The following CAMTA1 variants were observed in gnomAD, a reference collection of about 807,000 sequenced individuals.
The protein encoded by CAMTA1 is calmodulin-binding transcription activator 1.
Under a neutral mutation model 170.9 loss-of-function variants are expected in CAMTA1, and 27 were observed. The ratio of observed to expected loss-of-function variants is 0.16; its 90% confidence interval spans 0.12 to 0.22. The LOEUF is 0.22. CAMTA1 is among the 10% of genes least tolerant of loss of function. The pLI, the probability that CAMTA1 is intolerant of heterozygous loss-of-function variation, is 1.00. For synonymous variants in CAMTA1, 833 were observed against 891.5 expected, an observed-to-expected ratio of 0.93 and a Z score of 1.17; for missense variants, 1,619 against 2,217.2, an observed-to-expected ratio of 0.73 and a Z score of 5.42.
chr1:7,032,779 A>G (rs1024949834), intron 3 of CAMTA1, among the ~76,000 whole-genome samples: 1 of 152,122 alleles, frequency 6.6e-6, no homozygotes, highest in African/African-American at 2.4e-5. Context: ...TCTATAAAAA[A>G]GTATTTCACT....
Position 7,664,286 on chromosome 1 carries a change from C to A in CAMTA1, c.1739C>A (p.Thr580Asn). The A allele has an allele frequency of 1.2e-6, 2 of 1,613,006 alleles. No individual in the cohort carries two copies. Among genetic ancestry groups the A allele is most frequent in the Non-Finnish European group, 1.7e-6 (2 of 1,179,972 alleles). ...PSGGGLSPST[T>N]LEQMDFSAID... ...GGCGGCGGCCTGAGTCCCAGCACCACCCTGGAGCAGATGGACTTCAGCGCC... is the reference window on the plus strand; with the variant it reads ...GGCGGCGGCCTGAGTCCCAGCACCAACCTGGAGCAGATGGACTTCAGCGCC... Residue 580 changes from threonine to asparagine, a missense_variant, in exon 9 of 23, where the codon ACC (threonine) becomes AAC (asparagine). Physicochemically the swap from Thr to Asn is moderately conservative, Grantham distance 65. Coordinates refer to ENST00000303635, the MANE Select transcript of CAMTA1 (RefSeq NM_015215.4).
intron 5 of CAMTA1, among the ~76,000 whole-genome samples, chr1:7,335,181 C>T (rs1183192397): frequency 1.7e-5 from 1 of 58,438 alleles, no homozygotes; most frequent in African/African-American, 9.0e-5. Flanking sequence ...TGTCAGACCC[C>T]GAGGCTACCC....
At chr1:6,798,152 C>T (rs942982551) in intron 1 of CAMTA1, among the ~76,000 whole-genome samples, 5 of 151,850 alleles carry the variant, frequency 3.3e-5, no homozygotes, top group Non-Finnish European at 5.9e-5. Context: ...CTGAACACCA[C>T]GCTGGGCTAA....
At chr1:6,910,563 T>C (rs899314153) in intron 3 of CAMTA1, among the ~76,000 whole-genome samples, 1 of 152,216 alleles carries the variant, frequency 6.6e-6, no homozygotes, top group Non-Finnish European at 1.5e-5. Flanking sequence ...AATGCTAATG[T>C]AACTTGACTT....
At position 6,934,601 on chromosome 1, in the gene CAMTA1, C is replaced by T. The variant is rs1684986861; in HGVS notation, c.234+109391C>T. 6.6e-6 allele frequency among the ~76,000 whole-genome samples: 1 copy of T among 152,192 alleles called. No homozygotes were observed. Among genetic ancestry groups the T allele is most frequent in the South Asian group, 2.1e-4 (1 of 4,828 alleles). On this transcript the variant is annotated intron_variant, in intron 3 of 22. Coordinates refer to ENST00000303635, the MANE Select transcript of CAMTA1 (RefSeq NM_015215.4). This position sits in a 1 kb window ranked among gnomAD's most constrained non-coding sequence, Gnocchi z 4.5. ...TGGCTGTGACAGGTACTGTGGAATC[C>T]TTGCCTTCCAGGGGAGACCTGTGGC...
At chr1:7,512,909 G>A (rs2094221804) in intron 6 of CAMTA1, among the ~76,000 whole-genome samples, 1 of 152,152 alleles carries the variant, frequency 6.6e-6, no homozygotes, top group Admixed American at 6.5e-5. Flanking sequence ...TTGTGGAAGT[G>A]AGCAGAGGCT....
chr1:6,825,887 C>G (rs952786159), intron 3 of CAMTA1, among the ~76,000 whole-genome samples: 1 of 152,078 alleles, frequency 6.6e-6, no homozygotes, highest in African/African-American at 2.4e-5. Flanking sequence ...CTGAATATTT[C>G]AATTTAAGGT....
intron 6 of CAMTA1, among the ~76,000 whole-genome samples, chr1:7,507,165 A>C (rs1422039675): frequency 6.7e-6 from 1 of 150,144 alleles, no homozygotes; most frequent in Non-Finnish European, 1.5e-5. Context: ...CTCACACAAC[A>C]CACACGCTCA....
intron 4 of CAMTA1, among the ~76,000 whole-genome samples, chr1:7,203,865 T>C (rs1419605201): frequency 6.6e-6 from 1 of 150,790 alleles, no homozygotes; most frequent in African/African-American, 2.4e-5. Flanking sequence ...GGAGTCTCAC[T>C]CTGTCGCCCA....
intron 1 of CAMTA1, among the ~76,000 whole-genome samples, chr1:6,790,898 T>C (rs1640905784): frequency 6.6e-6 from 1 of 152,206 alleles, no homozygotes; most frequent in Admixed American, 6.5e-5. Flanking sequence ...TAAATTAGAT[T>C]TACCATCTCC....
At chr1:7,741,522 A>C in intron 16 of CAMTA1, among the ~76,000 whole-genome samples, 1 of 151,580 alleles carries the variant, frequency 6.6e-6, no homozygotes, top group Non-Finnish European at 1.5e-5. Flanking sequence ...ACATCGCACC[A>C]CTGCACTCCA....
chr1:7,455,970 A>G lies in CAMTA1; in HGVS notation c.439-11860A>G, dbSNP rs1293061458. 6.6e-6 allele frequency among the ~76,000 whole-genome samples: 1 copy of G among 152,182 alleles called. No homozygotes were observed. Among genetic ancestry groups the G allele is most frequent in the Non-Finnish European group, 1.5e-5 (1 of 68,036 alleles). On this transcript the variant is annotated intron_variant, in intron 5 of 22. Coordinates refer to ENST00000303635, the MANE Select transcript of CAMTA1 (RefSeq NM_015215.4). The surrounding 1 kb of genome is among the most constrained non-coding windows in gnomAD (Gnocchi z 5.0). ...GGGTACAGCCTGAGCCTCCTTACCA[A>G]GGCTCAGGGTCCCACCGTTGGTCAT... is the stretch of plus-strand genomic sequence containing the variant.
At chr1:6,955,224 G>C (rs1253288153) in intron 3 of CAMTA1, among the ~76,000 whole-genome samples, 2 of 152,110 alleles carry the variant, frequency 1.3e-5, no homozygotes, top group East Asian at 3.9e-4. Flanking sequence ...GACCTCCCCT[G>C]GGGGTAGACG....
chr1:7,361,797 G>GT (rs534986119), intron 5 of CAMTA1, among the ~76,000 whole-genome samples: 162 of 152,318 alleles, frequency 1.1e-3, no homozygotes, highest in Non-Finnish European at 2.0e-3. Context: ...TGTTTAGCAA[G>GT]TAACGTAAAC....
chr1:7,322,526 A>G (rs1278782049), intron 5 of CAMTA1, among the ~76,000 whole-genome samples: 1 of 152,244 alleles, frequency 6.6e-6, no homozygotes, highest in African/African-American at 2.4e-5. Context: ...CAACTGTGGC[A>G]ATAGCCATCC....
At chr1:7,096,153 G>A (rs990201200) in intron 4 of CAMTA1, among the ~76,000 whole-genome samples, 2 of 152,134 alleles carry the variant, frequency 1.3e-5, no homozygotes, top group Non-Finnish European at 2.9e-5. Context: ...CAATAAAACA[G>A]CCCAGTAGAA....
At position 6,897,086 on chromosome 1, in the gene CAMTA1, T is replaced by G. The variant is rs1460258110; in HGVS notation, c.234+71876T>G. Among the ~76,000 whole-genome samples the G allele has an allele frequency of 2.6e-5, 4 of 152,324 alleles. No individual in the cohort carries two copies. The East Asian group carries it at 7.7e-4, about 29-fold the overall frequency. ...GACTAGTTTTAAGAGAACCTCTCCCTTCTCATGTTTGACCAGAGCTGAAGA... is the reference window on the plus strand; with the variant it reads ...GACTAGTTTTAAGAGAACCTCTCCCGTCTCATGTTTGACCAGAGCTGAAGA... On this transcript the variant is annotated intron_variant, in intron 3 of 22. Transcript: ENST00000303635.
chr1:7,636,780 A>T (rs1242185166), intron 6 of CAMTA1, among the ~76,000 whole-genome samples: 1 of 151,956 alleles, frequency 6.6e-6, no homozygotes, highest in Non-Finnish European at 1.5e-5. Context: ...TCAGGAGAAC[A>T]CAGGTCTAGG....
At chr1:7,252,286 C>A (rs1666752980) in intron 5 of CAMTA1, among the ~76,000 whole-genome samples, 1 of 152,206 alleles carries the variant, frequency 6.6e-6, no homozygotes, top group African/African-American at 2.4e-5. Flanking sequence ...ATGGTACCCC[C>A]TTTTATTTGA....
Sources: gnomAD v4.1 joint callset for allele counts (sites outside exome capture counted in the v4.1 genomes callset) on GRCh38, gnomAD v4.1.1 for gene constraint, Gnocchi (gnomAD v3.1) non-coding constraint, MANE v1.5 for transcripts, NCBI Gene and HGNC (gene_info 2026-07-23, HGNC 2026-07-21) for gene names.